Variants in ARSB observed in about 807,000 individuals in gnomAD.
ARSB encodes the protein N-acetylgalactosamine-4-sulfatase.
ARSB carries 41 observed loss-of-function variants against 50.9 expected under a neutral mutation model. That is an observed-to-expected ratio of 0.81 (90% CI 0.63 to 1.04). The LOEUF (loss-of-function observed/expected upper bound fraction) is 1.04, where lower values mean the gene tolerates loss of function less well. ARSB is among the 50% of genes least tolerant of loss of function. The pLI is 0.00. For synonymous variants in ARSB, 269 were observed against 284.8 expected, an observed-to-expected ratio of 0.94 and a Z score of 0.56; for missense variants, 672 against 693.3, an observed-to-expected ratio of 0.97 and a Z score of 0.35.
intron 1 of ARSB, among the ~76,000 whole-genome samples, chr5:78,972,544 C>CACACACACACACACACACACACACA (rs1554088554): frequency 2.7e-5 from 4 of 147,520 alleles, no homozygotes; most frequent in African/African-American, 1.0e-4. Context: ...CACACACACA[C>CACACACACACACACACACACACACA]CCCAAATCAA....
intron 5 of ARSB, among the ~76,000 whole-genome samples, chr5:78,846,681 G>A (rs756312427): frequency 6.6e-6 from 1 of 152,106 alleles, no homozygotes; most frequent in Non-Finnish European, 1.5e-5. Flanking sequence ...TATATATGAT[G>A]ATATCATCTG....
chr5:78,984,859 T>G, intron 1 of ARSB, 78 bp downstream of exon 1: 1 of 1,169,326 alleles, frequency 8.6e-7, no homozygotes, highest in Non-Finnish European at 1.1e-6. Context: ...GCCCGCGGCC[T>G]CAAGGGCCGG....
At chr5:78,877,316 G>A (rs552654984) in intron 5 of ARSB, among the ~76,000 whole-genome samples, 1 of 152,250 alleles carries the variant, frequency 6.6e-6, no homozygotes, top group East Asian at 1.9e-4. Flanking sequence ...TAAAAGCAAT[G>A]CTCAAAACGA....
chr5:78,808,956 C>G (rs1250279741), intron 6 of ARSB, among the ~76,000 whole-genome samples: 1 of 152,226 alleles, frequency 6.6e-6, no homozygotes, highest in Non-Finnish European at 1.5e-5. Flanking sequence ...GATTTCTCAA[C>G]TAGTCAGAGC....
chr5:78,806,634 C>T (rs926442768), intron 6 of ARSB, among the ~76,000 whole-genome samples: 7 of 152,216 alleles, frequency 4.6e-5, no homozygotes, highest in African/African-American at 7.2e-5. Flanking sequence ...AGGTGGCCCA[C>T]GCACAGCACT....
intron 5 of ARSB, among the ~76,000 whole-genome samples, chr5:78,876,494 A>G (rs1346020119): frequency 6.6e-6 from 1 of 152,264 alleles, no homozygotes; most frequent in Non-Finnish European, 1.5e-5. Flanking sequence ...TGATTATTCC[A>G]AGATGAAAAA....
intron 4 of ARSB, among the ~76,000 whole-genome samples, chr5:78,898,829 G>A (rs1416052739): frequency 6.6e-6 from 1 of 152,186 alleles, no homozygotes; most frequent in Non-Finnish European, 1.5e-5. Flanking sequence ...GTAGAGTTAT[G>A]AGTGGATTGC....
chr5:78,853,550 TC>T (rs1364869310), intron 5 of ARSB, among the ~76,000 whole-genome samples: 1 of 152,224 alleles, frequency 6.6e-6, no homozygotes, highest in East Asian at 1.9e-4. Context: ...TTCTCAGATC[TC>T]CAGCTGCGTG....
chr5:78,965,539 T>C (rs1234701688), intron 2 of ARSB, among the ~76,000 whole-genome samples: 1 of 152,138 alleles, frequency 6.6e-6, no homozygotes, highest in Non-Finnish European at 1.5e-5. Context: ...TGTTCTACAA[T>C]TGGATTGCCA....
At chr5:78,782,060 T>C in intron 6 of ARSB, 86 bp from the exon 7 acceptor site, 3 of 1,548,958 alleles carry the variant, frequency 1.9e-6, no homozygotes, top group Non-Finnish European at 2.7e-6. Context: ...TGCAGAACAG[T>C]AGCTTTTATT....
chr5:78,873,534 C>T (rs1366689379), intron 5 of ARSB, among the ~76,000 whole-genome samples: 15 of 106,120 alleles, frequency 1.4e-4, no homozygotes, highest in Admixed American at 2.6e-4. Context: ...CTCGCTCTGT[C>T]GCCCAGGCTG....
chr5:78,817,957 C>G (rs1362421168), intron 6 of ARSB, among the ~76,000 whole-genome samples: 1 of 152,142 alleles, frequency 6.6e-6, no homozygotes, highest in African/African-American at 2.4e-5. Flanking sequence ...ACCAGCCTGG[C>G]CAACATGGTA....
chr5:78,858,778 T>C (rs1746280850), intron 5 of ARSB, among the ~76,000 whole-genome samples: 2 of 152,326 alleles, frequency 1.3e-5, no homozygotes, highest in Non-Finnish European at 1.5e-5. Flanking sequence ...GTTAACCCTT[T>C]GGAAGCACCA....
At chr5:78,835,717 T>C (rs894048245) in intron 6 of ARSB, among the ~76,000 whole-genome samples, 3 of 152,098 alleles carry the variant, frequency 2.0e-5, no homozygotes. Flanking sequence ...AGAAGCAGAG[T>C]AAGCAGCTTT....
At chr5:78,841,354 A>G (rs889416031) in intron 5 of ARSB, among the ~76,000 whole-genome samples, 8 of 152,088 alleles carry the variant, frequency 5.3e-5, no homozygotes, top group African/African-American at 1.9e-4. Flanking sequence ...AATAAAACCA[A>G]GCAAACAGAG....
At chr5:78,818,602 T>C (rs1228231615) in intron 6 of ARSB, among the ~76,000 whole-genome samples, 1 of 54,606 alleles carries the variant, frequency 1.8e-5, no homozygotes, top group Non-Finnish European at 3.7e-5. Context: ...AAAGCTCTTT[T>C]TTTTTTTTTT....
In ARSB at chr5:78,835,525, G is replaced by A. The variant is rs370453818; in HGVS notation, c.1213+3831C>T. 1.6e-4 allele frequency among the ~76,000 whole-genome samples: 25 copies of A among 152,236 alleles called. No individual in the cohort carries two copies. The East Asian group carries it at 1.7e-3, about 11-fold the overall frequency. On this transcript the variant is annotated intron_variant, in intron 6 of 7. Transcript: ENST00000264914. ...AAGCGGATCGATACGGTGATGTTTCGGAACGGAAATCAGAAAGGTGGCCAG... is the reference window on the plus strand; with the variant it reads ...AAGCGGATCGATACGGTGATGTTTCAGAACGGAAATCAGAAAGGTGGCCAG...
chr5:78,945,376 G>A (rs1394307663), intron 4 of ARSB, among the ~76,000 whole-genome samples: 2 of 152,144 alleles, frequency 1.3e-5, no homozygotes, highest in African/African-American at 4.8e-5. Context: ...CGCACATGTT[G>A]GAAGCTGTAG....
chr5:78,827,945 A>T (rs572119771), intron 6 of ARSB, among the ~76,000 whole-genome samples: 2 of 152,234 alleles, frequency 1.3e-5, no homozygotes, highest in Non-Finnish European at 2.9e-5. Flanking sequence ...CCACCTGTGG[A>T]ATTAGCAGAT....
Sources: gnomAD v4.1 joint callset for allele counts (sites outside exome capture counted in the v4.1 genomes callset) on GRCh38, gnomAD v4.1.1 for gene constraint, MANE v1.5 for transcripts, NCBI Gene and HGNC (gene_info 2026-07-23, HGNC 2026-07-21) for gene names.